The following NRF1 variants were observed in gnomAD, a reference collection of about 807,000 sequenced individuals.
NRF1 encodes the protein nuclear respiratory factor 1, also known as alpha palindromic-binding protein.
NRF1 carries 5 observed loss-of-function variants against 58.5 expected under a neutral mutation model. That is an observed-to-expected ratio of 0.09 (90% CI 0.04 to 0.18). NRF1 has a LOEUF of 0.18. NRF1 is among the 10% of genes least tolerant of loss of function. The pLI is 1.00. For synonymous variants in NRF1, 224 were observed against 246.7 expected (o/e 0.91, Z 0.86); for missense variants, 288 against 657.7 (o/e 0.44, Z 6.15).
chr7:129,657,202 C>T, intron 1 of NRF1, 144 bp from the exon 2 acceptor site: 1 of 617,188 alleles, frequency 1.6e-6, no homozygotes, highest in Admixed American at 2.7e-5. Context: ...CTTCCCATTT[C>T]CTGTGACTTG....
chr7:129,717,368 G>C lies in NRF1; in HGVS notation c.1215G>C (p.Ala405=), dbSNP rs373325490. 55 of 1,608,868 alleles carry C rather than the reference G, an allele frequency of 3.4e-5. No homozygotes were observed. The Middle Eastern group carries it at 5.1e-4, about 15-fold the overall frequency. The change falls in exon 9 of 11, where the codon GCG becomes GCC. Residue 405 remains alanine (A), a synonymous_variant. Transcript: ENST00000393232. ...EMQQGATVTM[A]LNSEAAAHAV... Reference sequence around the variant, plus strand: ...AGCAGGGAGCTACAGTCACTATGGCGCTTAACAGGTGGTGGCAAGAGTGTG... The same window carrying C: ...AGCAGGGAGCTACAGTCACTATGGCCCTTAACAGGTGGTGGCAAGAGTGTG...
intron 2 of NRF1, among the ~76,000 whole-genome samples, chr7:129,667,410 A>G (rs1245494590): frequency 1.3e-5 from 2 of 151,910 alleles, no homozygotes; most frequent in African/African-American, 2.4e-5. Context: ...TTCTTTGCCT[A>G]TTTCCTGTTT....
chr7:129,716,413 T>A (rs1029662241), intron 8 of NRF1, among the ~76,000 whole-genome samples: 2 of 151,514 alleles, frequency 1.3e-5, no homozygotes, highest in African/African-American at 2.4e-5. Context: ...ATAGTTTGAA[T>A]TTTTTTTTCC....
intron 10 of NRF1, among the ~76,000 whole-genome samples, chr7:129,754,367 G>A (rs1329300446): frequency 6.8e-6 from 1 of 147,076 alleles, no homozygotes; most frequent in Non-Finnish European, 1.5e-5. Flanking sequence ...GGAGACCGAG[G>A]TGAGAGGATC....
intron 9 of NRF1, among the ~76,000 whole-genome samples, chr7:129,725,158 A>G (rs1359767128): frequency 2.6e-5 from 4 of 152,200 alleles, no homozygotes; most frequent in African/African-American, 9.7e-5. Flanking sequence ...TTAAAGTTCC[A>G]GTTTTACAAG....
At chr7:129,682,660 G>C (rs1176749987) in intron 4 of NRF1, among the ~76,000 whole-genome samples, 1 of 151,030 alleles carries the variant, frequency 6.6e-6, no homozygotes, top group Non-Finnish European at 1.5e-5. Context: ...AAAGGATCTG[G>C]GTGTGGTGGT....
chr7:129,685,623 A>G (rs961645214), intron 4 of NRF1, among the ~76,000 whole-genome samples: 27 of 149,810 alleles, frequency 1.8e-4, no homozygotes, highest in Non-Finnish European at 3.2e-4. Context: ...TAAGCAAAAG[A>G]CCTGGTCCCT....
At chr7:129,730,333 G>GT (rs933082894) in intron 10 of NRF1, among the ~76,000 whole-genome samples, 1 of 152,070 alleles carries the variant, frequency 6.6e-6, no homozygotes. Flanking sequence ...TCCAGGCCAA[G>GT]TTTTTTTAAT....
intron 2 of NRF1, among the ~76,000 whole-genome samples, chr7:129,663,943 G>A (rs1033420983): frequency 1.2e-4 from 18 of 152,300 alleles, no homozygotes; most frequent in African/African-American, 3.8e-4. Flanking sequence ...CGGTCAACAC[G>A]GCGAAACCCC....
chr7:129,693,487 A>C (rs943944478), intron 5 of NRF1, among the ~76,000 whole-genome samples: 2 of 152,154 alleles, frequency 1.3e-5, no homozygotes, highest in Non-Finnish European at 2.9e-5. Context: ...ATGGCTTTGA[A>C]TGTGGCCCAA....
chr7:129,721,543 G>A (rs1445928095), intron 9 of NRF1, among the ~76,000 whole-genome samples: 2 of 149,794 alleles, frequency 1.3e-5, no homozygotes, highest in East Asian at 2.0e-4. Flanking sequence ...GTGCAGTGGC[G>A]CGATCTCGGC....
intron 3 of NRF1, among the ~76,000 whole-genome samples, chr7:129,671,978 G>T (rs943714429): frequency 6.6e-6 from 1 of 152,094 alleles, no homozygotes; most frequent in African/African-American, 2.4e-5. Flanking sequence ...TCTCTATTAC[G>T]GGGATGGTCT....
chr7:129,720,041 G>GC (rs1358678690), intron 9 of NRF1, among the ~76,000 whole-genome samples: 1 of 152,176 alleles, frequency 6.6e-6, no homozygotes, highest in Non-Finnish European at 1.5e-5. Context: ...TCCCCTGAGG[G>GC]CTTGTTAACA....
intron 1 of NRF1, among the ~76,000 whole-genome samples, chr7:129,621,692 C>G (rs1033075451): frequency 2.0e-5 from 3 of 151,956 alleles, no homozygotes; most frequent in African/African-American, 7.2e-5. Flanking sequence ...TGATATGTTA[C>G]CAGAATTATG....
chr7:129,695,015 G>A (rs551830299), intron 5 of NRF1, among the ~76,000 whole-genome samples: 58 of 152,258 alleles, frequency 3.8e-4, no homozygotes, highest in African/African-American at 1.3e-3. Context: ...AGATGATTCC[G>A]TGAACTGTTA....
intron 4 of NRF1, among the ~76,000 whole-genome samples, chr7:129,679,547 C>T (rs1193530100): frequency 1.3e-5 from 2 of 151,774 alleles, no homozygotes; most frequent in Non-Finnish European, 2.9e-5. Context: ...TGGTGAAACC[C>T]CATCTCTACT....
At chr7:129,740,903 ATAGGCCAG>A (rs1207330765) in intron 10 of NRF1, among the ~76,000 whole-genome samples, 1 of 152,180 alleles carries the variant, frequency 6.6e-6, no homozygotes, top group Non-Finnish European at 1.5e-5. Context: ...CAATGAGATG[ATAGGCCAG>A]TAGCTGTCAT....
chr7:129,644,775 A>C (rs1801367967), intron 1 of NRF1, among the ~76,000 whole-genome samples: 1 of 152,228 alleles, frequency 6.6e-6, no homozygotes, highest in African/African-American at 2.4e-5. Context: ...CCGGCAAGCC[A>C]AAATTCCCCA....
intron 5 of NRF1, among the ~76,000 whole-genome samples, chr7:129,704,127 T>A (rs11773023): frequency 0.33 from 49,230 of 151,420 alleles, 8,789 homozygotes; most frequent in Non-Finnish European, 0.42. Context: ...TACGTATTTT[T>A]AATGCTCAAG....
Sources: allele counts gnomAD v4.1 joint callset (sites outside exome capture counted in the v4.1 genomes callset), GRCh38; gene constraint gnomAD v4.1.1; transcripts MANE v1.5; gene names NCBI Gene and HGNC (gene_info 2026-07-23, HGNC 2026-07-21).